The following PLN variants were observed in gnomAD, a reference collection of about 807,000 sequenced individuals.
PLN encodes the protein cardiac phospholamban.
Under a neutral mutation model 3.9 loss-of-function variants are expected in PLN, and 1 was observed. The ratio of observed to expected loss-of-function variants is 0.26; its 90% confidence interval spans 0.09 to 1.23. The LOEUF (loss-of-function observed/expected upper bound fraction) is 1.23. Ranked by LOEUF, PLN falls within the 50% of genes most tolerant of loss-of-function variation. PLN has a pLI of 0.48. For missense variants in PLN, 59 were observed against 62.7 expected (o/e 0.94, Z 0.20); for synonymous variants, 21 against 20.5 (o/e 1.02, Z -0.07).
At chr6:118,557,569 G>A (rs754509776) in intron 1 of PLN, among the ~76,000 whole-genome samples, 1 of 152,112 alleles carries the variant, frequency 6.6e-6, no homozygotes, top group Admixed American at 6.5e-5. Flanking sequence ...AAGTTGTCCT[G>A]GGTTGAGTGT....
At chr6:118,553,241 A>G (rs1255551478) in intron 1 of PLN, among the ~76,000 whole-genome samples, 1 of 151,466 alleles carries the variant, frequency 6.6e-6, no homozygotes, top group Non-Finnish European at 1.5e-5. Context: ...AAGGAAACTC[A>G]TACAGTGGTT....
chr6:118,561,282 TA>T lies in PLN; in HGVS notation c.*2207del, dbSNP rs1270044571. Among the ~76,000 whole-genome samples, 1 of 152,208 alleles carries T rather than the reference TA, an allele frequency of 6.6e-6. No individual in the cohort carries two copies. The highest frequency in any genetic ancestry group is 1.5e-5 in the Non-Finnish European group (1 of 68,030). ...CCAATACAGAAAGTATCCCTAGTCT[TA>T]AAAACAAGTGGAAAATTTGAACTGA... is the stretch of plus-strand genomic sequence containing the variant. On this transcript the variant is annotated 3_prime_UTR_variant, in exon 2 of 2. Coordinates refer to ENST00000357525, the MANE Select transcript of PLN (RefSeq NM_002667.5).
chr6:118,550,433 A>G (rs905533801), intron 1 of PLN, among the ~76,000 whole-genome samples: 2 of 151,902 alleles, frequency 1.3e-5, no homozygotes, highest in African/African-American at 4.8e-5. Context: ...AAATTAGACA[A>G]TATATTACCA....
rs1779060361 is a variant in PLN at position 118,558,870 on chromosome 6, T to A, written c.-52T>A. ...TATCTCATATTTGGCTGCCAGCTTT[T>A]TATCTTTCTCTCGACCACTTAAAAC... On this transcript the variant is annotated 5_prime_UTR_variant, in exon 2 of 2. Transcript: ENST00000357525. 3 of 1,469,472 alleles carry A rather than the reference T, an allele frequency of 2.0e-6. No individual in the cohort carries two copies. The highest frequency in any genetic ancestry group is 2.9e-6 in the Non-Finnish European group (3 of 1,049,060). 91.0% of individuals were successfully genotyped at this position (1,469,472 alleles called of 1,614,324 possible).
intron 1 of PLN, among the ~76,000 whole-genome samples, chr6:118,548,725 G>A (rs1778355183): frequency 6.6e-6 from 1 of 151,910 alleles, no homozygotes; most frequent in Non-Finnish European, 1.5e-5. Context: ...ACCATATTTG[G>A]TAGTAGTGGT....
At chr6:118,550,265 T>C (rs921957030) in intron 1 of PLN, among the ~76,000 whole-genome samples, 1 of 151,828 alleles carries the variant, frequency 6.6e-6, no homozygotes, top group Non-Finnish European at 1.5e-5. Flanking sequence ...ATATCTTTAA[T>C]TAGTGAGATT....
Position 118,559,241 on chromosome 6 carries a change from T to C in PLN, c.*161T>C, listed in dbSNP as rs1481810758. On this transcript the variant is annotated 3_prime_UTR_variant, in exon 2 of 2. Coordinates refer to ENST00000357525, the MANE Select transcript of PLN (RefSeq NM_002667.5). ...AAGACTAAAACTTATTGTTACCATA[T>C]GTATTCATCTGTTGGATCTTGTAAA... is the stretch of plus-strand genomic sequence containing the variant. 4.3e-6 allele frequency: 3 copies of C among 692,998 alleles called. No homozygotes were observed. The highest frequency in any genetic ancestry group is 8.0e-6 in the Non-Finnish European group (3 of 375,428). The allele number at this position is 692,998 out of a possible 1,614,324, so 42.9% of individuals were successfully genotyped here.
At position 118,560,537 on chromosome 6, in the gene PLN, G is replaced by A. The variant is rs912951385; in HGVS notation, c.*1457G>A. On this transcript the variant is annotated 3_prime_UTR_variant, in exon 2 of 2. Transcript: ENST00000357525. ...TTGTCTTAGGGGTGTGGGGAGTGGG[G>A]GAAAGAATATTCATGTATAAGTGGA... The A allele has an allele frequency of 1.9e-4, 31 of 166,898 alleles. No homozygotes were observed. Among genetic ancestry groups the A allele is most frequent in the Non-Finnish European group, 4.0e-4 (27 of 68,088 alleles). 10.3% of individuals were successfully genotyped at this position (166,898 alleles called of 1,614,324 possible). A position where few individuals can be genotyped will look rare whatever the true frequency, so the allele number is the denominator to read the frequency against.
rs1204369047 is a variant in PLN at position 118,560,481 on chromosome 6, GGGA to G, written c.*1405_*1407del. 6.0e-6 allele frequency: 1 copy of G among 167,054 alleles called. No homozygotes were observed. Among genetic ancestry groups the G allele is most frequent in the Non-Finnish European group, 1.5e-5 (1 of 68,146 alleles). 10.3% of individuals were successfully genotyped at this position (167,054 alleles called of 1,614,324 possible). A position where few individuals can be genotyped will look rare whatever the true frequency, so the allele number is the denominator to read the frequency against. ...GAGTAGGCAGAGGAGGAGAAAGATGGGGAGGAAGAGAAGGCGTTGGTCTTGCAG... is the reference window on the plus strand; with the variant it reads ...GAGTAGGCAGAGGAGGAGAAAGATGGGGAAGAGAAGGCGTTGGTCTTGCAG... On this transcript the variant is annotated 3_prime_UTR_variant, in exon 2 of 2. Coordinates refer to ENST00000357525, the MANE Select transcript of PLN (RefSeq NM_002667.5).
At position 118,559,214 on chromosome 6, in the gene PLN, T is replaced by C; in HGVS notation, c.*134T>C. The C allele has an allele frequency of 1.3e-6, 1 of 783,758 alleles. No individual in the cohort carries two copies. Among genetic ancestry groups the C allele is most frequent in the South Asian group, 1.4e-5 (1 of 72,088 alleles). The allele number at this position is 783,758 out of a possible 1,614,324, so 48.6% of individuals were successfully genotyped here. A position where few individuals can be genotyped will look rare whatever the true frequency, so the allele number is the denominator to read the frequency against. ...GAGTTTCTTTGTGAAAAGGTCAAGA[T>C]TAAGACTAAAACTTATTGTTACCAT... On this transcript the variant is annotated 3_prime_UTR_variant, in exon 2 of 2. Transcript: ENST00000357525.
At chr6:118,549,732 T>A (rs890935879) in intron 1 of PLN, among the ~76,000 whole-genome samples, 3 of 151,934 alleles carry the variant, frequency 2.0e-5, no homozygotes, top group Admixed American at 6.6e-5. Flanking sequence ...TTTATTCAAA[T>A]ATCTATCAAA....
chr6:118,558,132 G>C (rs1778986635), intron 1 of PLN, among the ~76,000 whole-genome samples: 2 of 152,054 alleles, frequency 1.3e-5, no homozygotes, highest in Non-Finnish European at 2.9e-5. Flanking sequence ...TATATTTTTA[G>C]TAGAGACAGG....
At position 118,559,222 on chromosome 6, in the gene PLN, A is replaced by G. The variant is rs1331225129; in HGVS notation, c.*142A>G. 2.0e-5 allele frequency: 15 copies of G among 763,578 alleles called. No individual in the cohort carries two copies. The highest frequency in any genetic ancestry group is 3.4e-5 in the Non-Finnish European group (14 of 414,500). 47.3% of individuals were successfully genotyped at this position (763,578 alleles called of 1,614,324 possible). A position where few individuals can be genotyped will look rare whatever the true frequency, so the allele number is the denominator to read the frequency against. ...TTGTGAAAAGGTCAAGATTAAGACT[A>G]AAACTTATTGTTACCATATGTATTC... On this transcript the variant is annotated 3_prime_UTR_variant, in exon 2 of 2. Transcript: ENST00000357525.
At chr6:118,554,482 T>TG (rs1379220535) in intron 1 of PLN, among the ~76,000 whole-genome samples, 4 of 152,158 alleles carry the variant, frequency 2.6e-5, no homozygotes, top group African/African-American at 9.7e-5. Flanking sequence ...TTTCTAATAG[T>TG]TTTAGTCATA....
intron 1 of PLN, among the ~76,000 whole-genome samples, chr6:118,554,822 C>A (rs753886784): frequency 3.7e-4 from 56 of 152,116 alleles, no homozygotes; most frequent in Non-Finnish European, 1.6e-4. Context: ...ACATTCCAGG[C>A]AGAGATAGAA....
intron 1 of PLN, among the ~76,000 whole-genome samples, chr6:118,555,822 C>T (rs766563344): frequency 5.3e-5 from 8 of 149,876 alleles, no homozygotes; most frequent in Non-Finnish European, 8.8e-5. Flanking sequence ...CTCAAGTAGA[C>T]CCCAGCGTCT....
In PLN at chr6:118,558,995, G is replaced by A. The variant is rs1004405095; in HGVS notation, c.74G>A (p.Arg25His). 1.1e-5 allele frequency: 18 copies of A among 1,610,616 alleles called. No individual in the cohort carries two copies. The highest frequency in any genetic ancestry group is 1.7e-5 in the Admixed American group (1 of 59,992). ...ASTIEMPQQA[R>H]QKLQNLFINF... ...ACCATTGAAATGCCTCAACAAGCAC[G>A]TCAAAAGCTACAGAATCTATTTATC... Residue 25 changes from arginine (R) to histidine (H), a missense_variant, in exon 2 of 2, where the codon CGT becomes CAT. Coordinates refer to ENST00000357525, the MANE Select transcript of PLN (RefSeq NM_002667.5).
chr6:118,558,660 C>CAGAGAGAGAGAGAGAGAGAGAGAGAG (rs369698272), intron 1 of PLN, among the ~76,000 whole-genome samples, 165 bp from the exon 2 acceptor site: 1 of 122,308 alleles, frequency 8.2e-6, no homozygotes, highest in African/African-American at 3.2e-5. Context: ...CACACACACA[C>CAGAGAGAGAGAGAGAGAGAGAGAGAG]AGAGAGAGAG....
At chr6:118,551,372 T>C (rs1778533989) in intron 1 of PLN, among the ~76,000 whole-genome samples, 1 of 133,066 alleles carries the variant, frequency 7.5e-6, no homozygotes, top group Non-Finnish European at 1.6e-5. Context: ...TAATAGGGGG[T>C]ATATTTATTA....
Sources: allele counts gnomAD v4.1 joint callset (sites outside exome capture counted in the v4.1 genomes callset), GRCh38; gene constraint gnomAD v4.1.1; transcripts MANE v1.5; gene names NCBI Gene and HGNC (gene_info 2026-07-23, HGNC 2026-07-21).